The following DNAJC10 variants were observed in gnomAD, a reference collection of about 807,000 sequenced individuals.
DNAJC10 encodes DnaJ heat shock protein family (Hsp40) member C10.
DNAJC10 carries 101 observed loss-of-function variants against 115.0 expected under a neutral mutation model. That is an observed-to-expected ratio of 0.88 (90% CI 0.75 to 1.04). DNAJC10 has a LOEUF of 1.04. DNAJC10 is among the 50% of genes least tolerant of loss of function. DNAJC10 has a pLI of 0.00. For missense variants in DNAJC10, 981 were observed against 928.8 expected, an observed-to-expected ratio of 1.06 and a Z score of -0.73; for synonymous variants, 307 against 301.5, an observed-to-expected ratio of 1.02 and a Z score of -0.19.
chr2:182,773,116 A>G (rs1694610397), intron 22 of DNAJC10, among the ~76,000 whole-genome samples: 2 of 152,192 alleles, frequency 1.3e-5, no homozygotes, highest in African/African-American at 4.8e-5. Flanking sequence ...GCTGGATATG[A>G]AATTCTGGGT....
rs1694704395 is a variant in DNAJC10 at position 182,776,288 on chromosome 2, A to AT, written c.2371-831dup. Among the ~76,000 whole-genome samples, 4 of 152,216 alleles carry AT rather than the reference A, an allele frequency of 2.6e-5. No homozygotes were observed. The South Asian group carries it at 8.3e-4, about 32-fold the overall frequency. On this transcript the variant is annotated intron_variant, in intron 23 of 23. Coordinates refer to ENST00000264065, the MANE Select transcript of DNAJC10 (RefSeq NM_018981.4). ...TTTGTTCTTGGTGTAATCAGAATGT[A>AT]TTGAAACCCATATTTGTGTTGGCCC...
rs1695079876 is a variant in DNAJC10, at chr2:182,793,002, G to T, written c.*15870G>T. 1 of 152,264 alleles carries T rather than the reference G, an allele frequency of 6.6e-6. No homozygotes were observed. Among genetic ancestry groups the T allele is most frequent in the Admixed American group, 6.5e-5 (1 of 15,270 alleles). 9.4% of individuals were successfully genotyped at this position (152,264 alleles called of 1,614,324 possible). A position where few individuals can be genotyped will look rare whatever the true frequency, so the allele number is the denominator to read the frequency against. On this transcript the variant is annotated 3_prime_UTR_variant, in exon 24 of 24. Coordinates refer to ENST00000264065, the MANE Select transcript of DNAJC10 (RefSeq NM_018981.4). ...GAAAAAGGTAGACCAGGGTATGAGG[G>T]ATTAGGAGTGTGGGGGCAGCAGCAG...
chr2:182,751,316 G>A (rs1430749958), intron 14 of DNAJC10, among the ~76,000 whole-genome samples: 1 of 151,630 alleles, frequency 6.6e-6, no homozygotes, highest in Non-Finnish European at 1.5e-5. Context: ...TGTATTTTTA[G>A]TAGAGACGGG....
chr2:182,718,658 T>C (rs966298685), intron 3 of DNAJC10, among the ~76,000 whole-genome samples: 5 of 152,234 alleles, frequency 3.3e-5, no homozygotes, highest in Non-Finnish European at 7.4e-5. Flanking sequence ...ACTCAGAGGG[T>C]ATGACTTGCT....
intron 3 of DNAJC10, among the ~76,000 whole-genome samples, chr2:182,718,954 G>C (rs974992792): frequency 3.3e-5 from 5 of 151,920 alleles, no homozygotes; most frequent in African/African-American, 1.2e-4. Context: ...TCTTTTCTAG[G>C]TAGAAGTTTT....
At chr2:182,746,538 A>G (rs1479971581) in intron 14 of DNAJC10, among the ~76,000 whole-genome samples, 1 of 152,112 alleles carries the variant, frequency 6.6e-6, no homozygotes, top group Non-Finnish European at 1.5e-5. Context: ...TCTTCTTTTG[A>G]GAAGTGTCTG....
rs911023470 is a variant in DNAJC10 at position 182,783,796 on chromosome 2, CA to C, written c.*6666del. On this transcript the variant is annotated 3_prime_UTR_variant, in exon 24 of 24. Coordinates refer to ENST00000264065, the MANE Select transcript of DNAJC10 (RefSeq NM_018981.4). Reference sequence around the variant, plus strand: ...AAACTTGGGTATATTACTTGAAGATCAACTATATTGTTATTTTTAGTATGTT... The same window carrying C: ...AAACTTGGGTATATTACTTGAAGATCACTATATTGTTATTTTTAGTATGTT... 1 of 151,992 alleles carries C rather than the reference CA, an allele frequency of 6.6e-6. No homozygotes were observed. The highest frequency in any genetic ancestry group is 2.4e-5 in the African/African-American group (1 of 41,380). 9.4% of individuals were successfully genotyped at this position (151,992 alleles called of 1,614,324 possible). A position where few individuals can be genotyped will look rare whatever the true frequency, so the allele number is the denominator to read the frequency against.
chr2:182,723,662 T>A (rs1331002040), intron 5 of DNAJC10, among the ~76,000 whole-genome samples: 1 of 152,212 alleles, frequency 6.6e-6, no homozygotes, highest in African/African-American at 2.4e-5. Context: ...TGTGTACCAA[T>A]GGTTCAGAAA....
intron 10 of DNAJC10, among the ~76,000 whole-genome samples, chr2:182,734,563 T>TA (rs919018476): frequency 1.3e-5 from 2 of 151,792 alleles, no homozygotes; most frequent in African/African-American, 4.8e-5. Context: ...CACATTTCTA[T>TA]AAAATCAGTT....
intron 10 of DNAJC10, chr2:182,732,872 G>A: frequency 3.2e-6 from 1 of 316,402 alleles, no homozygotes; most frequent in Non-Finnish European, 5.8e-6. Flanking sequence ...ATTTTTAAAT[G>A]TATATAGCTC....
chr2:182,779,227 A>G lies in DNAJC10; in HGVS notation c.*2095A>G, dbSNP rs969051171. The G allele has an allele frequency of 6.6e-6, 1 of 152,220 alleles. No homozygotes were observed. Among genetic ancestry groups the G allele is most frequent in the Non-Finnish European group, 1.5e-5 (1 of 68,050 alleles). 9.4% of individuals were successfully genotyped at this position (152,220 alleles called of 1,614,324 possible). A position where few individuals can be genotyped will look rare whatever the true frequency, so the allele number is the denominator to read the frequency against. On this transcript the variant is annotated 3_prime_UTR_variant, in exon 24 of 24. Coordinates refer to ENST00000264065, the MANE Select transcript of DNAJC10 (RefSeq NM_018981.4). ...CATCAAGGTTATCTTATATAGTCAT[A>G]ACAGTATTATTGGGTCTTTCAAAAA... is the stretch of plus-strand genomic sequence containing the variant.
intron 21 of DNAJC10, among the ~76,000 whole-genome samples, chr2:182,760,167 C>T (rs1032085916): frequency 6.6e-6 from 1 of 151,978 alleles, no homozygotes; most frequent in African/African-American, 2.4e-5. Context: ...ATTTACATGC[C>T]GCTCCCTCTC....
At chr2:182,732,599 A>T in intron 10 of DNAJC10, 57 bp downstream of exon 10, 2 of 1,516,600 alleles carry the variant, frequency 1.3e-6, no homozygotes, top group Admixed American at 3.5e-5. Context: ...ACATTTAGAA[A>T]TTGATTTGAA....
intron 22 of DNAJC10, among the ~76,000 whole-genome samples, chr2:182,764,017 G>A (rs1694351061): frequency 6.6e-6 from 1 of 152,160 alleles, no homozygotes; most frequent in Non-Finnish European, 1.5e-5. Context: ...TATTCTTCAA[G>A]TTGTTCAATT....
At chr2:182,719,921 A>G in intron 3 of DNAJC10, 86 bp from the exon 4 acceptor site, 1 of 725,828 alleles carries the variant, frequency 1.4e-6, no homozygotes, top group Admixed American at 3.1e-5. Context: ...AGAAGTTACT[A>G]GATTAATTAA....
chr2:182,731,693 T>G (rs529838106), intron 9 of DNAJC10, among the ~76,000 whole-genome samples: 2 of 152,298 alleles, frequency 1.3e-5, no homozygotes, highest in South Asian at 2.1e-4. Flanking sequence ...TTGCATGTAT[T>G]TAATCCCAAC....
intron 19 of DNAJC10, among the ~76,000 whole-genome samples, chr2:182,758,597 A>G (rs545980389): frequency 3.1e-4 from 47 of 152,314 alleles, no homozygotes; most frequent in African/African-American, 1.0e-3. Context: ...TCTACAGGAG[A>G]TGTCCAGTAG....
chr2:182,754,975 C>G (rs756764009), intron 16 of DNAJC10, 28 bp from the exon 17 acceptor site: 9 of 1,471,660 alleles, frequency 6.1e-6, no homozygotes, highest in African/African-American at 2.8e-5. Flanking sequence ...TCTATAAAAT[C>G]TTTAATTCAT....
intron 16 of DNAJC10, 142 bp downstream of exon 16, chr2:182,752,330 A>T: frequency 4.3e-6 from 2 of 466,706 alleles, no homozygotes; most frequent in Non-Finnish European, 3.6e-6. Flanking sequence ...ACAAAATAAT[A>T]TTTTTAGAAA....
Sources: gnomAD v4.1 joint callset for allele counts (sites outside exome capture counted in the v4.1 genomes callset) on GRCh38, gnomAD v4.1.1 for gene constraint, MANE v1.5 for transcripts, NCBI Gene and HGNC (gene_info 2026-07-23, HGNC 2026-07-21) for gene names.